SLC25A36: variants seen among roughly 807,000 people sequenced by gnomAD.
SLC25A36 encodes epididymis secretory sperm binding protein.
Under a neutral mutation model 35.3 loss-of-function variants are expected in SLC25A36, and 24 were observed. The ratio of observed to expected loss-of-function variants is 0.68; its 90% CI spans 0.49 to 0.96. The LOEUF (loss-of-function observed/expected upper bound fraction) is 0.96. Ranked by LOEUF, SLC25A36 falls within the 40% of genes least tolerant of loss-of-function variation. SLC25A36 has a pLI of 0.00. For synonymous variants in SLC25A36, 141 were observed against 132.2 expected (o/e 1.07, Z -0.46); for missense variants, 294 against 381.1 (o/e 0.77, Z 1.90).
intron 6 of SLC25A36, among the ~76,000 whole-genome samples, chr3:140,975,094 A>ATTTT (rs1272903563): frequency 2.1e-3 from 51 of 24,206 alleles, no homozygotes; most frequent in Admixed American, 6.3e-3. Context: ...AACAAGATAC[A>ATTTT]TTCTTTTTTT....
rs142864787 is a variant in SLC25A36 at position 140,957,719 on chromosome 3, T to A, written c.206+1028T>A. Among the ~76,000 whole-genome samples the A allele has an allele frequency of 2.6e-4, 40 of 152,202 alleles. No homozygotes were observed. In the East Asian group the frequency reaches 5.0e-3, roughly 19 times the overall value. On this transcript the variant is annotated intron_variant, in intron 2 of 6. Coordinates refer to ENST00000324194, the MANE Select transcript of SLC25A36 (RefSeq NM_001104647.3). ...TTGCGCCACTGTATTCCAGTCTGGG[T>A]GATACAGTGAGACTCTGTCTCAGAA...
At chr3:140,976,230 A>C in intron 6 of SLC25A36, 30 bp from the exon 7 acceptor site, 2 of 1,393,248 alleles carry the variant, frequency 1.4e-6, no homozygotes, top group Non-Finnish European at 2.0e-6. Context: ...AGATATCAGT[A>C]ATGTTTAATT....
At chr3:140,950,494 T>C (rs1239421467) in intron 1 of SLC25A36, among the ~76,000 whole-genome samples, 1 of 152,192 alleles carries the variant, frequency 6.6e-6, no homozygotes, top group African/African-American at 2.4e-5. Flanking sequence ...ATTCTGTTCC[T>C]GCATTTGGTT....
In SLC25A36 at chr3:140,956,340, G is replaced by A. The variant is rs542608383; in HGVS notation, c.42-187G>A. On this transcript the variant is annotated intron_variant, in intron 1 of 6. Transcript: ENST00000324194. The stretch of plus-strand genomic sequence containing the variant: ...CTAAGCTGTGTTCATTTTAGTTACT[G>A]AAGAAGTTTGTATGAAATCAAATAA... Among the ~76,000 whole-genome samples, 317 of 152,250 alleles carry A rather than the reference G, an allele frequency of 2.1e-3. 11 individuals are homozygous for A. The South Asian group carries it at 0.063, about 30-fold the overall frequency.
At chr3:140,959,810 A>G (rs1444508677) in intron 3 of SLC25A36, among the ~76,000 whole-genome samples, 1 of 152,220 alleles carries the variant, frequency 6.6e-6, no homozygotes, top group Non-Finnish European at 1.5e-5. Flanking sequence ...TAACAGTAGT[A>G]ATATGAATAC....
intron 3 of SLC25A36, among the ~76,000 whole-genome samples, chr3:140,962,805 A>T (rs1934663230): frequency 6.6e-6 from 1 of 150,790 alleles, no homozygotes; most frequent in African/African-American, 2.4e-5. Flanking sequence ...TTTTGTTTTT[A>T]TTTTTTTTTA....
At chr3:140,949,819 C>T (rs952444666) in intron 1 of SLC25A36, among the ~76,000 whole-genome samples, 1 of 152,176 alleles carries the variant, frequency 6.6e-6, no homozygotes, top group Non-Finnish European at 1.5e-5. Context: ...ATAGAAATAA[C>T]TTTGAATTGT....
intron 6 of SLC25A36, 72 bp downstream of exon 6, chr3:140,974,077 A>G (rs1934975688): frequency 9.7e-7 from 1 of 1,036,156 alleles, no homozygotes; most frequent in Non-Finnish European, 1.4e-6. Flanking sequence ...TAAAGCATTT[A>G]TAATTTTACT....
At chr3:140,974,432 G>A (rs897953987) in intron 6 of SLC25A36, among the ~76,000 whole-genome samples, 1 of 152,036 alleles carries the variant, frequency 6.6e-6, no homozygotes, top group African/African-American at 2.4e-5. Context: ...GAAAAGAAAT[G>A]TAAACATGAA....
rs1166672276 is a variant in SLC25A36, at chr3:140,941,836, A to C, written c.-219A>C. 3.9e-6 allele frequency: 2 copies of C among 508,280 alleles called. No homozygotes were observed. Among genetic ancestry groups the C allele is most frequent in the Non-Finnish European group, 7.0e-6 (2 of 284,630 alleles). The allele number at this position is 508,280 out of a possible 1,614,324, so 31.5% of individuals were successfully genotyped here. ...CGTCGCGCTGCGCTGCGTCGCTTTC[A>C]GCCTCTGGTGAAGGGCGGCGCGCTT... On this transcript the variant is annotated 5_prime_UTR_variant, in exon 1 of 7. Transcript: ENST00000324194.
rs762128616 is a variant in SLC25A36, at chr3:140,980,781, A to G, written c.*4328A>G. Reference sequence around the variant, plus strand: ...AATGACATGATCTCAGGTCACTGCAACCTCTGCCTCCCGGGTTCAAGCGAT... The same window carrying G: ...AATGACATGATCTCAGGTCACTGCAGCCTCTGCCTCCCGGGTTCAAGCGAT... On this transcript the variant is annotated 3_prime_UTR_variant, in exon 7 of 7. Coordinates refer to ENST00000324194, the MANE Select transcript of SLC25A36 (RefSeq NM_001104647.3). Among the ~76,000 whole-genome samples the G allele has an allele frequency of 1.6e-4, 22 of 141,780 alleles. No individual in the cohort carries two copies. The highest frequency in any genetic ancestry group is 2.3e-4 in the Non-Finnish European group (15 of 66,592). 93.0% of individuals were successfully genotyped at this position (141,780 alleles called of 152,430 possible).
chr3:140,972,101 A>G (rs1934918818), intron 5 of SLC25A36, among the ~76,000 whole-genome samples: 1 of 152,226 alleles, frequency 6.6e-6, no homozygotes, highest in Non-Finnish European at 1.5e-5. Flanking sequence ...ATATCTGAAA[A>G]GTAGTGGTAG....
At chr3:140,947,880 C>T (rs116828088) in intron 1 of SLC25A36, among the ~76,000 whole-genome samples, 2,623 of 152,284 alleles carry the variant, frequency 0.017, 34 homozygotes, top group Non-Finnish European at 0.028. Context: ...AGTGTACTAC[C>T]AGAGAAACAA....
In SLC25A36 at chr3:140,978,070, A is replaced by T. The variant is rs1040939787; in HGVS notation, c.*1617A>T. The T allele has an allele frequency of 1.3e-5, 2 of 152,128 alleles. No individual in the cohort carries two copies. Among genetic ancestry groups the T allele is most frequent in the African/African-American group, 4.8e-5 (2 of 41,430 alleles). The allele number at this position is 152,128 out of a possible 1,614,324, so 9.4% of individuals were successfully genotyped here. A position where few individuals can be genotyped will look rare whatever the true frequency, so the allele number is the denominator to read the frequency against. On this transcript the variant is annotated 3_prime_UTR_variant, in exon 7 of 7. Transcript: ENST00000324194. ...CTGTGTACCCTGTCGTACCCCCAAC[A>T]TTATAGAATATTGCAGCGTGTCATT...
intron 4 of SLC25A36, chr3:140,966,362 A>T (rs1263429055): frequency 3.1e-6 from 1 of 324,512 alleles, no homozygotes; most frequent in Admixed American, 3.3e-5. Context: ...CAAGAAATTA[A>T]ATACAAAATA....
At position 140,977,668 on chromosome 3, in the gene SLC25A36, G is replaced by C. The variant is rs1935083189; in HGVS notation, c.*1215G>C. Reference sequence around the variant, plus strand: ...TTTAAATTCTGCTATTGAGTCAGCTGTACCTTTTAATACTTTAAATGTGTT... The same window carrying C: ...TTTAAATTCTGCTATTGAGTCAGCTCTACCTTTTAATACTTTAAATGTGTT... On this transcript the variant is annotated 3_prime_UTR_variant, in exon 7 of 7. Transcript: ENST00000324194. 1 of 152,144 alleles carries C rather than the reference G, an allele frequency of 6.6e-6. No individual in the cohort carries two copies. 9.4% of individuals were successfully genotyped at this position (152,144 alleles called of 1,614,324 possible).
At chr3:140,955,042 T>G (rs1418431521) in intron 1 of SLC25A36, among the ~76,000 whole-genome samples, 1 of 152,106 alleles carries the variant, frequency 6.6e-6, no homozygotes, top group Non-Finnish European at 1.5e-5. Context: ...AAGGGGCATG[T>G]TTTTTATTTT....
At chr3:140,954,201 C>A (rs931667169) in intron 1 of SLC25A36, among the ~76,000 whole-genome samples, 10 of 152,164 alleles carry the variant, frequency 6.6e-5, no homozygotes, top group African/African-American at 2.4e-4. Context: ...TTTCAATTAG[C>A]ATAATGCTTT....
At chr3:140,948,019 T>C (rs1320384009) in intron 1 of SLC25A36, among the ~76,000 whole-genome samples, 1 of 152,192 alleles carries the variant, frequency 6.6e-6, no homozygotes, top group Non-Finnish European at 1.5e-5. Flanking sequence ...AGTGGCACGA[T>C]CTCGGCTCAC....
Sources: gnomAD v4.1 joint callset for allele counts (sites outside exome capture counted in the v4.1 genomes callset) on GRCh38, gnomAD v4.1.1 for gene constraint, MANE v1.5 for transcripts, NCBI Gene and HGNC (gene_info 2026-07-23, HGNC 2026-07-21) for gene names.